PAM: variants seen among roughly 807,000 people sequenced by gnomAD.
The protein encoded by PAM is peptidyl-glycine alpha-amidating monooxygenase.
PAM carries 72 observed loss-of-function variants against 122.1 expected under a neutral mutation model. The observed-to-expected ratio is 0.59, with a 90% CI of 0.49 to 0.72. The LOEUF (loss-of-function observed/expected upper bound fraction) is 0.72. Ranked by LOEUF, PAM falls within the 30% of genes least tolerant of loss-of-function variation. The pLI, the probability that PAM is intolerant of heterozygous loss-of-function variation, is 0.00. For missense variants in PAM, 1,106 were observed against 1,183.7 expected, an observed-to-expected ratio of 0.93 and a Z score of 0.96; for synonymous variants, 389 against 404.4, an observed-to-expected ratio of 0.96 and a Z score of 0.46.
intron 1 of PAM, among the ~76,000 whole-genome samples, chr5:102,822,038 C>T (rs76488599): frequency 0.014 from 2,161 of 152,194 alleles, 72 homozygotes; most frequent in African/African-American, 0.049. Flanking sequence ...GGGATTCAAT[C>T]AGTGATGGTA....
At chr5:102,898,219 G>A (rs1447420931) in intron 3 of PAM, among the ~76,000 whole-genome samples, 1 of 151,526 alleles carries the variant, frequency 6.6e-6, no homozygotes, top group Admixed American at 6.6e-5. Flanking sequence ...ATAGCACTGG[G>A]CACCATGGCT....
intron 12 of PAM, among the ~76,000 whole-genome samples, chr5:102,954,767 G>C (rs564450906): frequency 6.6e-6 from 1 of 151,980 alleles, no homozygotes; most frequent in Non-Finnish European, 1.5e-5. Flanking sequence ...CATTAAGTCA[G>C]CTAATCAGGC....
At chr5:102,802,452 A>G (rs1029230890) in intron 1 of PAM, among the ~76,000 whole-genome samples, 4 of 152,182 alleles carry the variant, frequency 2.6e-5, no homozygotes, top group African/African-American at 9.7e-5. Context: ...AGTCTATTAC[A>G]TAGACTGAGA....
At chr5:102,928,796 A>T (rs1750481825) in intron 7 of PAM, among the ~76,000 whole-genome samples, 1 of 152,136 alleles carries the variant, frequency 6.6e-6, no homozygotes, top group South Asian at 2.1e-4. Flanking sequence ...TTACCATTTC[A>T]TGTATGTTTA....
chr5:102,867,245 G>A, intron 2 of PAM, 28 bp from the exon 3 acceptor site: 1 of 1,521,332 alleles, frequency 6.6e-7, no homozygotes, highest in South Asian at 1.1e-5. Context: ...TTATGTTCAA[G>A]AATATTGAAA....
chr5:102,768,467 T>A (rs1435447305), intron 1 of PAM, among the ~76,000 whole-genome samples: 1 of 146,924 alleles, frequency 6.8e-6, no homozygotes, highest in Non-Finnish European at 1.5e-5. Flanking sequence ...TTATGCCCAT[T>A]AACCATCCCA....
chr5:102,843,452 G>A lies in PAM; in HGVS notation c.-373-22371G>A, dbSNP rs542506522. On this transcript the variant is annotated intron_variant, in intron 1 of 25. Coordinates refer to ENST00000438793, the MANE Select transcript of PAM (RefSeq NM_001177306.2). ...AGAAAATTCTTTAGGACCTATGGCTGGATAAAAAGTTCTTAGACGTGACAC... is the reference window on the plus strand; with the variant it reads ...AGAAAATTCTTTAGGACCTATGGCTAGATAAAAAGTTCTTAGACGTGACAC... 1.7e-4 allele frequency among the ~76,000 whole-genome samples: 26 copies of A among 152,218 alleles called. No homozygotes were observed. The South Asian group carries it at 4.6e-3, about 27-fold the overall frequency.
chr5:102,899,624 T>C (rs1212733395), intron 3 of PAM, among the ~76,000 whole-genome samples: 1 of 151,766 alleles, frequency 6.6e-6, no homozygotes, highest in Non-Finnish European at 1.5e-5. Flanking sequence ...ATCTTGAATA[T>C]ATTAGTATAA....
intron 7 of PAM, among the ~76,000 whole-genome samples, chr5:102,935,854 T>C (rs1475900270): frequency 1.3e-5 from 2 of 152,156 alleles, no homozygotes; most frequent in Non-Finnish European, 2.9e-5. Flanking sequence ...CAGACTGTCC[T>C]TGGGGTACTT....
At chr5:102,789,041 G>A (rs987158575) in intron 1 of PAM, among the ~76,000 whole-genome samples, 1 of 152,072 alleles carries the variant, frequency 6.6e-6, no homozygotes, top group African/African-American at 2.4e-5. Context: ...CTTTGATAGA[G>A]AAAAGTTAGC....
chr5:102,846,710 G>A (rs1003433830), intron 1 of PAM, among the ~76,000 whole-genome samples: 5 of 152,196 alleles, frequency 3.3e-5, no homozygotes, highest in African/African-American at 1.2e-4. Flanking sequence ...GGTTGGTCAC[G>A]TGCTGTCTTA....
At chr5:102,883,131 T>C (rs1791846285) in intron 3 of PAM, among the ~76,000 whole-genome samples, 1 of 152,048 alleles carries the variant, frequency 6.6e-6, no homozygotes, top group Non-Finnish European at 1.5e-5. Context: ...CCTCATAGTA[T>C]AGTTTGAAGT....
At chr5:102,778,883 C>T (rs1445880218) in intron 1 of PAM, among the ~76,000 whole-genome samples, 1 of 152,074 alleles carries the variant, frequency 6.6e-6, no homozygotes, top group Non-Finnish European at 1.5e-5. Context: ...GGAGGGAATA[C>T]TTTGTGTGCA....
intron 5 of PAM, among the ~76,000 whole-genome samples, chr5:102,920,797 A>G (rs923038687): frequency 6.9e-6 from 1 of 144,384 alleles, no homozygotes; most frequent in Non-Finnish European, 1.5e-5. Context: ...GGGCATGACA[A>G]TTTTTTTTTT....
chr5:102,979,614 T>C lies in PAM; in HGVS notation c.1483+5178T>C, dbSNP rs144007291. Among the ~76,000 whole-genome samples the C allele has an allele frequency of 7.6e-4, 115 of 152,200 alleles. 2 individuals are homozygous for C. The East Asian group carries it at 0.021, about 28-fold the overall frequency. ...TTAATTCATAGTTCTGGGTTTGAATTTTTTCCTCAACTTTAGGTCTGTTAG... is the reference window on the plus strand; with the variant it reads ...TTAATTCATAGTTCTGGGTTTGAATCTTTTCCTCAACTTTAGGTCTGTTAG... On this transcript the variant is annotated intron_variant, in intron 15 of 25. Transcript: ENST00000438793.
chr5:102,986,832 C>CCCCTTT (rs1426778994), intron 15 of PAM, among the ~76,000 whole-genome samples: 4 of 152,076 alleles, frequency 2.6e-5, no homozygotes, highest in Admixed American at 6.6e-5. Flanking sequence ...TAAGGGGAAA[C>CCCCTTT]CCCTTTTGCT....
At chr5:102,806,335 C>A (rs1406800141) in intron 1 of PAM, among the ~76,000 whole-genome samples, 1 of 152,172 alleles carries the variant, frequency 6.6e-6, no homozygotes, top group Non-Finnish European at 1.5e-5. Flanking sequence ...AAGCCCAGAA[C>A]AGAGTTCGAT....
chr5:103,028,218 G>C lies in PAM; in HGVS notation c.2723G>C (p.Arg908Thr). The C allele has an allele frequency of 1.2e-6, 2 of 1,612,376 alleles. No individual in the cohort carries two copies. The highest frequency in any genetic ancestry group is 2.2e-5 in the East Asian group (1 of 44,858). Residue 908 changes from arginine (R) to threonine (T), a missense_variant, in exon 25 of 26, where the codon AGA (arginine) becomes ACA (threonine). This residue lies in a region of PAM where 333 missense variants were observed against 335.6 expected (regional missense o/e 0.99). Coordinates refer to ENST00000438793, the MANE Select transcript of PAM (RefSeq NM_001177306.2). ...SEHKLETSSGRVLGRFRGKGS... is the reference protein window; with the variant it reads ...SEHKLETSSGTVLGRFRGKGS... ...CACAAACTCGAGACGAGTTCAGGAA[G>C]AGTACTGGGAAGATTTAGAGGTATG...
chr5:102,921,407 T>A (rs1343844084), intron 5 of PAM, among the ~76,000 whole-genome samples: 3 of 152,152 alleles, frequency 2.0e-5, no homozygotes, highest in Non-Finnish European at 2.9e-5. Flanking sequence ...CATTTTCATT[T>A]AAAATGGGAA....
Sources: allele counts gnomAD v4.1 joint callset (sites outside exome capture counted in the v4.1 genomes callset), GRCh38; gene constraint gnomAD v4.1.1; regional missense constraint gnomAD v4.1.1; transcripts MANE v1.5; gene names NCBI Gene and HGNC (gene_info 2026-07-23, HGNC 2026-07-21).